PTPRT: variants seen among roughly 807,000 people sequenced by gnomAD.
PTPRT encodes the protein protein tyrosine phosphatase receptor type T, also known as receptor-type tyrosine-protein phosphatase T.
A neutral mutation model predicts 176.8 loss-of-function variants in PTPRT; 56 were observed. The observed-to-expected ratio is 0.32, with a 90% confidence interval of 0.26 to 0.40. The LOEUF is 0.40. Among genes scored for constraint, PTPRT ranks in the 10% least tolerant of loss-of-function variants. The pLI is 1.00. For synonymous variants in PTPRT, 783 were observed against 739.0 expected, an observed-to-expected ratio of 1.06 and a Z score of -0.96; for missense variants, 1,540 against 1,908.2, an observed-to-expected ratio of 0.81 and a Z score of 3.60.
rs1262307535 is a variant in PTPRT, at chr20:42,272,842, C to T, written c.2176+9647G>A. On this transcript the variant is annotated intron_variant, in intron 13 of 30. Coordinates refer to ENST00000373187, the MANE Select transcript of PTPRT (RefSeq NM_007050.6). Reference sequence around the variant, plus strand: ...ACTAGCCATCATTCCTTTGCCTTGTCCCATTTAAATTCAGTGGCATGCTCT... The same window carrying T: ...ACTAGCCATCATTCCTTTGCCTTGTTCCATTTAAATTCAGTGGCATGCTCT... Among the ~76,000 whole-genome samples, 3 of 152,184 alleles carry T rather than the reference C, an allele frequency of 2.0e-5. No homozygotes were observed. The South Asian group carries it at 6.2e-4, about 32-fold the overall frequency.
At chr20:42,426,255 T>A (rs1299049083) in intron 9 of PTPRT, among the ~76,000 whole-genome samples, 1 of 151,532 alleles carries the variant, frequency 6.6e-6, no homozygotes, top group Non-Finnish European at 1.5e-5. Context: ...AACCCCGGGC[T>A]CCACAAGCAG....
At chr20:42,787,229 T>C (rs1315910717) in intron 3 of PTPRT, among the ~76,000 whole-genome samples, 1 of 152,148 alleles carries the variant, frequency 6.6e-6, no homozygotes, top group African/African-American at 2.4e-5. Context: ...AGGAAGACTA[T>C]ATAATTTATC....
At chr20:43,019,117 C>T (rs1289766864) in intron 1 of PTPRT, among the ~76,000 whole-genome samples, 1 of 152,026 alleles carries the variant, frequency 6.6e-6, no homozygotes, top group East Asian at 1.9e-4. Flanking sequence ...TAATAGAATA[C>T]AATACACTCA....
chr20:42,857,643 C>T (rs147115631), intron 2 of PTPRT, among the ~76,000 whole-genome samples: 2,046 of 152,280 alleles, frequency 0.013, 22 homozygotes, highest in Non-Finnish European at 0.022. Flanking sequence ...GGATAATCTC[C>T]CTGTCTGTGT....
chr20:42,714,816 C>A (rs943500040), intron 6 of PTPRT, among the ~76,000 whole-genome samples: 1 of 152,134 alleles, frequency 6.6e-6, no homozygotes, highest in African/African-American at 2.4e-5. Flanking sequence ...GCTGACTCAT[C>A]TGGAATTTGT....
rs553551572 is a variant in PTPRT at position 42,326,648 on chromosome 20, T to G, written c.1866-10652A>C. Among the ~76,000 whole-genome samples, 30 of 152,254 alleles carry G rather than the reference T, an allele frequency of 2.0e-4. 2 individuals carry two copies. In the South Asian group the frequency reaches 6.0e-3, roughly 31 times the overall value. On this transcript the variant is annotated intron_variant, in intron 11 of 30. Transcript: ENST00000373187. ...CATTGGAAGGAAAATAAAACTCTACTGAATGATTTAAAAGACTATCTCCAG... is the reference window on the plus strand; with the variant it reads ...CATTGGAAGGAAAATAAAACTCTACGGAATGATTTAAAAGACTATCTCCAG...
At chr20:43,026,457 G>A (rs548341441) in intron 1 of PTPRT, among the ~76,000 whole-genome samples, 11 of 152,056 alleles carry the variant, frequency 7.2e-5, no homozygotes, top group Non-Finnish European at 1.0e-4. Context: ...TTGAGAGTGC[G>A]TAGTAGGTGT....
At chr20:42,549,817 GGC>G (rs2072736887) in intron 7 of PTPRT, among the ~76,000 whole-genome samples, 1 of 151,834 alleles carries the variant, frequency 6.6e-6, no homozygotes, top group African/African-American at 2.4e-5. Flanking sequence ...ACACACCTAG[GGC>G]ATCTCAACAC....
At chr20:42,417,266 T>A (rs941695632) in intron 9 of PTPRT, among the ~76,000 whole-genome samples, 2 of 152,160 alleles carry the variant, frequency 1.3e-5, no homozygotes, top group Non-Finnish European at 2.9e-5. Flanking sequence ...CTGGATAAGA[T>A]ACAATGGCAG....
intron 7 of PTPRT, among the ~76,000 whole-genome samples, chr20:42,662,362 T>G (rs1158144695): frequency 6.6e-6 from 1 of 152,074 alleles, no homozygotes; most frequent in East Asian, 1.9e-4. Context: ...GTCAGCTGGG[T>G]CCAGAGCAGG....
intron 6 of PTPRT, among the ~76,000 whole-genome samples, chr20:42,681,479 G>A (rs933906258): frequency 3.8e-4 from 58 of 152,164 alleles, no homozygotes; most frequent in Non-Finnish European, 4.4e-5. Flanking sequence ...GTTCTGCTGG[G>A]ACCACTCATG....
At chr20:42,122,442 G>T (rs560965600) in intron 19 of PTPRT, among the ~76,000 whole-genome samples, 1 of 152,278 alleles carries the variant, frequency 6.6e-6, no homozygotes, top group Admixed American at 6.5e-5. Context: ...TGTGACACAA[G>T]GGGTAGGAAG....
chr20:42,163,258 G>C (rs1428770906), intron 16 of PTPRT, among the ~76,000 whole-genome samples: 1 of 152,134 alleles, frequency 6.6e-6, no homozygotes, highest in African/African-American at 2.4e-5. Flanking sequence ...CAGGGTGGTA[G>C]GTAAACATCT....
chr20:42,375,857 A>T (rs1345500331), intron 9 of PTPRT, among the ~76,000 whole-genome samples: 1 of 152,224 alleles, frequency 6.6e-6, no homozygotes, highest in African/African-American at 2.4e-5. Context: ...GGACAGTCCC[A>T]TTAAAGCAAA....
intron 9 of PTPRT, among the ~76,000 whole-genome samples, chr20:42,386,336 T>C (rs1368445163): frequency 1.3e-5 from 2 of 151,536 alleles, no homozygotes; most frequent in Non-Finnish European, 2.9e-5. Context: ...TGAAAAACTG[T>C]CCCAGGAGTT....
chr20:42,300,889 A>G (rs2057457477), intron 12 of PTPRT, among the ~76,000 whole-genome samples: 1 of 148,560 alleles, frequency 6.7e-6, no homozygotes, highest in African/African-American at 2.5e-5. Context: ...ATTCTCACTT[A>G]TAGGTGGGAA....
chr20:42,498,061 G>A (rs1419972957), intron 7 of PTPRT, among the ~76,000 whole-genome samples: 2 of 152,044 alleles, frequency 1.3e-5, no homozygotes, highest in Non-Finnish European at 2.9e-5. Context: ...CTTTGTATGG[G>A]TATCACGGTG....
chr20:42,285,155 C>A (rs893449188), intron 12 of PTPRT, among the ~76,000 whole-genome samples: 25 of 151,924 alleles, frequency 1.6e-4, no homozygotes, highest in African/African-American at 6.0e-4. Flanking sequence ...AGCACCATAC[C>A]CTGTGTTTTG....
At chr20:42,719,130 A>G (rs1018925537) in intron 6 of PTPRT, among the ~76,000 whole-genome samples, 10 of 152,210 alleles carry the variant, frequency 6.6e-5, no homozygotes, top group African/African-American at 2.4e-4. Flanking sequence ...CGAGAAGAAC[A>G]TGTTGAGTTG....
Sources: gnomAD v4.1 joint callset for allele counts (sites outside exome capture counted in the v4.1 genomes callset) on GRCh38, gnomAD v4.1.1 for gene constraint, MANE v1.5 for transcripts, NCBI Gene and HGNC (gene_info 2026-07-23, HGNC 2026-07-21) for gene names.